The following IFNAR1 variants were observed in gnomAD, a reference collection of about 807,000 sequenced individuals.
The protein encoded by IFNAR1 is interferon alpha/beta receptor 1.
In IFNAR1, 47 loss-of-function variants were observed where a neutral mutation model predicts 62.1. That is an observed-to-expected ratio of 0.76 (90% confidence interval 0.60 to 0.97). IFNAR1 has a LOEUF of 0.97. IFNAR1 is among the 50% of genes least tolerant of loss of function. IFNAR1 has a pLI of 0.00. For synonymous variants in IFNAR1, 219 were observed against 226.9 expected, an observed-to-expected ratio of 0.97 and a Z score of 0.31; for missense variants, 638 against 654.5, an observed-to-expected ratio of 0.97 and a Z score of 0.27.
At chr21:33,338,470 G>T (rs1326236765) in intron 2 of IFNAR1, among the ~76,000 whole-genome samples, 1 of 146,982 alleles carries the variant, frequency 6.8e-6, no homozygotes, top group Non-Finnish European at 1.5e-5. Flanking sequence ...GGAGGCACAG[G>T]TTGCAGTGAG....
Position 33,353,622 on chromosome 21 carries a change from A to C in IFNAR1, c.1295-16A>C. Reference sequence around the variant, plus strand: ...TATGTCAAAATATATGCTAAATATCACGTATATCTTTTTAGGAAATACCTC... The same window carrying C: ...TATGTCAAAATATATGCTAAATATCCCGTATATCTTTTTAGGAAATACCTC... On this transcript the variant is annotated splice_polypyrimidine_tract_variant and intron_variant, in intron 9 of 10. Coordinates refer to ENST00000270139, the MANE Select transcript of IFNAR1 (RefSeq NM_000629.3). 4.1e-6 allele frequency: 6 copies of C among 1,446,332 alleles called. No individual in the cohort carries two copies. Among genetic ancestry groups the C allele is most frequent in the Non-Finnish European group, 5.7e-6 (6 of 1,057,424 alleles). 89.6% of individuals were successfully genotyped at this position (1,446,332 alleles called of 1,614,324 possible).
chr21:33,349,376 A>G lies in IFNAR1; in HGVS notation c.989-13A>G, dbSNP rs56226617. ...TTCTAATTGAACATTATTTCTTTAC[A>G]AATTTTTTCTAGCTTTCCTACTTCC... On this transcript the variant is annotated splice_polypyrimidine_tract_variant and intron_variant, in intron 7 of 10. Coordinates refer to ENST00000270139, the MANE Select transcript of IFNAR1 (RefSeq NM_000629.3). 56 of 1,579,276 alleles carry G rather than the reference A, an allele frequency of 3.5e-5. No individual in the cohort carries two copies. The East Asian group carries it at 1.2e-3, about 34-fold the overall frequency.
In IFNAR1 at chr21:33,353,624, G is replaced by T; in HGVS notation, c.1295-14G>T. On this transcript the variant is annotated splice_polypyrimidine_tract_variant and intron_variant, in intron 9 of 10. Transcript: ENST00000270139. ...TGTCAAAATATATGCTAAATATCAC[G>T]TATATCTTTTTAGGAAATACCTCTA... 1 of 1,464,700 alleles carries T rather than the reference G, an allele frequency of 6.8e-7. No homozygotes were observed. The highest frequency in any genetic ancestry group is 2.4e-5 in the East Asian group (1 of 41,930). The allele number at this position is 1,464,700 out of a possible 1,614,324, so 90.7% of individuals were successfully genotyped here.
chr21:33,325,143 G>A lies in IFNAR1; in HGVS notation c.76+12G>A, dbSNP rs1163854335. On this transcript the variant is annotated intron_variant, in intron 1 of 10. Coordinates refer to ENST00000270139, the MANE Select transcript of IFNAR1 (RefSeq NM_000629.3). ...GTCCGCAGCCGCAGGTGAGAGGCGG[G>A]GAGGAGAGTCTTGGCGCAGGGCGGG... 6.2e-7 allele frequency: 1 copy of A among 1,607,624 alleles called. No homozygotes were observed.
intron 2 of IFNAR1, among the ~76,000 whole-genome samples, chr21:33,337,256 G>A (rs999572460): frequency 3.3e-5 from 5 of 151,882 alleles, no homozygotes; most frequent in South Asian, 2.1e-4. Context: ...AATAAAAATC[G>A]ATATATTGGA....
At chr21:33,325,271 A>G in intron 1 of IFNAR1, 140 bp downstream of exon 1, 2 of 729,988 alleles carry the variant, frequency 2.7e-6, no homozygotes, top group Non-Finnish European at 4.6e-6. Flanking sequence ...CAAAGATTAA[A>G]CCCGACCTGG....
chr21:33,351,579 C>T (rs1385386505), intron 8 of IFNAR1, among the ~76,000 whole-genome samples: 4 of 142,550 alleles, frequency 2.8e-5, no homozygotes, highest in Non-Finnish European at 4.6e-5. Context: ...GACAGGTTCT[C>T]ATTCTTTTTC....
intron 2 of IFNAR1, 147 bp downstream of exon 2, chr21:33,335,794 G>GT: frequency 1.5e-6 from 1 of 675,888 alleles, no homozygotes; most frequent in Middle Eastern, 4.6e-4. Flanking sequence ...TTTTAACTTT[G>GT]TTTCTGTAGA....
At chr21:33,335,209 G>C (rs2083221743) in intron 1 of IFNAR1, 1 of 474,690 alleles carries the variant, frequency 2.1e-6, no homozygotes. Context: ...CATCATAAGA[G>C]TGACTCATCG....
intron 5 of IFNAR1, 30 bp from the exon 6 acceptor site, chr21:33,345,216 G>A (rs779613376): frequency 2.4e-5 from 26 of 1,069,474 alleles, no homozygotes; most frequent in Non-Finnish European, 3.6e-5. Context: ...AAAAATGTGT[G>A]CTTTTTTTTA....
In IFNAR1 at chr21:33,349,221, G is replaced by A. The variant is rs17875833; in HGVS notation, c.919G>A (p.Val307Ile). 470 of 1,613,426 alleles carry A rather than the reference G, an allele frequency of 2.9e-4. No individual in the cohort carries two copies. Among genetic ancestry groups the A allele is most frequent in the African/African-American group, 2.1e-3 (155 of 75,002 alleles). The change falls in exon 7 of 11, where the codon GTA becomes ATA. Residue 307 changes from valine (V) to isoleucine (I), a missense_variant. Physicochemically the swap from Val to Ile is conservative, Grantham distance 29. Transcript: ENST00000270139. ...VFQKGIYLLRVQASDGNNTSF... is the reference protein window; with the variant it reads ...VFQKGIYLLRIQASDGNNTSF... ...CCAAAAAGGAATTTACCTTCTCCGCGTACAAGCATCTGATGGAAATAACAC... is the reference window on the plus strand; with the variant it reads ...CCAAAAAGGAATTTACCTTCTCCGCATACAAGCATCTGATGGAAATAACAC...
chr21:33,355,193 AT>A (rs2083435512), intron 10 of IFNAR1, 122 bp from the exon 11 acceptor site: 6 of 580,176 alleles, frequency 1.0e-5, no homozygotes, highest in Non-Finnish European at 1.8e-5. Flanking sequence ...ACTTTTTAAT[AT>A]GCATGCCAGA....
chr21:33,352,805 AC>A lies in IFNAR1; in HGVS notation c.1193del (p.Pro398HisfsTer2), dbSNP rs1460986204. 6.4e-7 allele frequency: 1 copy of A among 1,567,822 alleles called. No individual in the cohort carries two copies. The highest frequency in any genetic ancestry group is 8.7e-7 in the Non-Finnish European group (1 of 1,147,990). On this transcript the variant is annotated frameshift_variant, in exon 9 of 11. Coordinates refer to ENST00000270139, the MANE Select transcript of IFNAR1 (RefSeq NM_000629.3). LOFTEE classifies it high-confidence loss of function. Reference sequence around the variant, plus strand: ...CTGATGTTACAGTTCCTAATTTGAAACCACTGACTGTATATTGTGTGAAAGC... The same window carrying A: ...CTGATGTTACAGTTCCTAATTTGAAACACTGACTGTATATTGTGTGAAAGC... ...KTDVTVPNLK[P>X]LTVYCVKARA...
chr21:33,356,458 C>A lies in IFNAR1; in HGVS notation c.*909C>A, dbSNP rs2083449247. 1 of 152,190 alleles carries A rather than the reference C, an allele frequency of 6.6e-6. No individual in the cohort carries two copies. Among genetic ancestry groups the A allele is most frequent in the African/African-American group, 2.4e-5 (1 of 41,446 alleles). 9.4% of individuals were successfully genotyped at this position (152,190 alleles called of 1,614,324 possible). ...GATGATCCCTAAAAATGTTGAGGGA[C>A]TTCTGTTCATTCATCCCGAGAACAT... On this transcript the variant is annotated 3_prime_UTR_variant, in exon 11 of 11. Coordinates refer to ENST00000270139, the MANE Select transcript of IFNAR1 (RefSeq NM_000629.3).
chr21:33,343,092 A>C (rs895303184), intron 3 of IFNAR1, among the ~76,000 whole-genome samples, 176 bp from the exon 4 acceptor site: 4 of 151,704 alleles, frequency 2.6e-5, no homozygotes, highest in Non-Finnish European at 5.9e-5. Flanking sequence ...CAGTCATTGA[A>C]CCTCTTCTCT....
At chr21:33,338,349 A>G (rs894342383) in intron 2 of IFNAR1, among the ~76,000 whole-genome samples, 3 of 150,838 alleles carry the variant, frequency 2.0e-5, no homozygotes, top group African/African-American at 7.3e-5. Flanking sequence ...CCTGACCAAC[A>G]TGGTGAAACC....
At chr21:33,354,797 A>C in intron 10 of IFNAR1, among the ~76,000 whole-genome samples, 1 of 151,962 alleles carries the variant, frequency 6.6e-6, no homozygotes, top group Non-Finnish European at 1.5e-5. Context: ...GAACCTTACC[A>C]CTCTAAAAAT....
chr21:33,327,141 T>A lies in IFNAR1; in HGVS notation c.76+2010T>A, dbSNP rs558505457. Among the ~76,000 whole-genome samples, 4 of 152,316 alleles carry A rather than the reference T, an allele frequency of 2.6e-5. No individual in the cohort carries two copies. The South Asian group carries it at 8.3e-4, about 32-fold the overall frequency. On this transcript the variant is annotated intron_variant, in intron 1 of 10. Transcript: ENST00000270139. ...TAGGATGTGGGTACTAGGGTCCTGG[T>A]GCATCCCATAGTAATTTCTTTGAAG...
At position 33,358,873 on chromosome 21, in the gene IFNAR1, A is replaced by G. The variant is rs2083474550; in HGVS notation, c.*3324A>G. ...TATATATATAAAACTTAGAGTTTTT[A>G]TCTTCCCCTAAAAGAGGCCGTGATA... On this transcript the variant is annotated 3_prime_UTR_variant, in exon 11 of 11. Coordinates refer to ENST00000270139, the MANE Select transcript of IFNAR1 (RefSeq NM_000629.3). 6.6e-6 allele frequency: 1 copy of G among 151,824 alleles called. No homozygotes were observed. 9.4% of individuals were successfully genotyped at this position (151,824 alleles called of 1,614,324 possible). A position where few individuals can be genotyped will look rare whatever the true frequency, so the allele number is the denominator to read the frequency against.
Sources: allele counts gnomAD v4.1 joint callset (sites outside exome capture counted in the v4.1 genomes callset), GRCh38; gene constraint gnomAD v4.1.1; transcripts MANE v1.5; gene names NCBI Gene and HGNC (gene_info 2026-07-23, HGNC 2026-07-21).